Variants in TUSC3 observed in about 807,000 individuals in gnomAD.
TUSC3 encodes tumor suppressor candidate 3.
Under a neutral mutation model 44.8 loss-of-function variants are expected in TUSC3, and 45 were observed. That is an observed-to-expected ratio of 1.00 (90% CI 0.79 to 1.29). The LOEUF (loss-of-function observed/expected upper bound fraction) is 1.29, where lower values mean the gene tolerates loss of function less well. TUSC3 is among the 50% of genes most tolerant of loss of function. TUSC3 has a pLI of 0.00. For synonymous variants in TUSC3, 212 were observed against 152.9 expected (o/e 1.39, Z -2.85); for missense variants, 519 against 437.9 (o/e 1.19, Z -1.65).
chr8:15,788,546 C>CAAAAA, the TUSC3 span, among the ~76,000 whole-genome samples: 18 of 75,546 alleles, frequency 2.4e-4, 1 homozygote, highest in African/African-American at 8.5e-4. Flanking sequence ...GACTCTATCT[C>CAAAAA]AAAAAAAAAA....
At chr8:15,583,829 A>G (rs921890057) in intron 1 of TUSC3, among the ~76,000 whole-genome samples, 18 of 152,208 alleles carry the variant, frequency 1.2e-4, no homozygotes, top group Non-Finnish European at 2.1e-4. Flanking sequence ...ATATCCTAAA[A>G]CCAGAAAAAA....
intron 1 of TUSC3, among the ~76,000 whole-genome samples, chr8:15,438,179 C>G (rs141328883): frequency 2.0e-5 from 3 of 152,130 alleles, no homozygotes; most frequent in South Asian, 2.1e-4. Context: ...CCTGCAATCT[C>G]CGTCTCCTGG....
intron 1 of TUSC3, among the ~76,000 whole-genome samples, chr8:15,567,426 A>G (rs1485062739): frequency 1.3e-5 from 2 of 152,176 alleles, no homozygotes; most frequent in African/African-American, 2.4e-5. Context: ...ATCCATGGAA[A>G]CTTGCCCAGA....
intron 2 of TUSC3, among the ~76,000 whole-genome samples, chr8:15,633,963 A>C (rs994138760): frequency 1.3e-5 from 2 of 152,184 alleles, no homozygotes; most frequent in Admixed American, 6.5e-5. Context: ...ACACAAGTCA[A>C]ATATCCCTCT....
At chr8:15,785,092 C>T in the TUSC3 span, among the ~76,000 whole-genome samples, 1 of 151,974 alleles carries the variant, frequency 6.6e-6, no homozygotes, top group African/African-American at 2.4e-5. Context: ...TGTTAATCCA[C>T]TAAAGAATGA....
intron 1 of TUSC3, among the ~76,000 whole-genome samples, chr8:15,482,436 T>C (rs562869255): frequency 1.3e-5 from 2 of 152,338 alleles, no homozygotes; most frequent in Non-Finnish European, 2.9e-5. Flanking sequence ...TATAGCGTTA[T>C]GAATGATAGC....
chr8:15,751,819 T>G (rs945856191), intron 9 of TUSC3, among the ~76,000 whole-genome samples: 1 of 152,184 alleles, frequency 6.6e-6, no homozygotes, highest in Non-Finnish European at 1.5e-5. Flanking sequence ...TGGCTTCTTA[T>G]TCCTACACCA....
chr8:15,793,257 T>C, the TUSC3 span, among the ~76,000 whole-genome samples: 5 of 152,184 alleles, frequency 3.3e-5, no homozygotes, highest in African/African-American at 1.2e-4. Context: ...GAAACTCTGC[T>C]GCTTCTCACA....
intron 1 of TUSC3, among the ~76,000 whole-genome samples, chr8:15,590,111 G>T (rs1159949694): frequency 6.6e-6 from 1 of 152,156 alleles, no homozygotes; most frequent in Non-Finnish European, 1.5e-5. Flanking sequence ...AAATTGTATT[G>T]TAACAGAGGT....
At chr8:15,769,343 A>G (rs1344152925), downstream of TUSC3, among the ~76,000 whole-genome samples, 2 of 152,214 alleles carry the variant, frequency 1.3e-5, no homozygotes, top group African/African-American at 2.4e-5. Context: ...TTCCCTATTT[A>G]ATAAATGGTG....
intron 1 of TUSC3, among the ~76,000 whole-genome samples, chr8:15,592,056 T>C (rs956096316): frequency 2.0e-5 from 3 of 152,066 alleles, no homozygotes; most frequent in African/African-American, 7.2e-5. Flanking sequence ...TAGTGTAGAC[T>C]GGAAGAAGAG....
chr8:15,753,453 C>T (rs1811792047), intron 9 of TUSC3, among the ~76,000 whole-genome samples: 1 of 151,970 alleles, frequency 6.6e-6, no homozygotes, highest in Non-Finnish European at 1.5e-5. Context: ...ATAACTGTTC[C>T]CTTCATGACA....
At chr8:15,516,292 C>A (rs1268723609) in intron 2 of TUSC3, among the ~76,000 whole-genome samples, 1 of 152,062 alleles carries the variant, frequency 6.6e-6, no homozygotes, top group Non-Finnish European at 1.5e-5. Flanking sequence ...TGGTTTATTT[C>A]AAGTTTTTAA....
intron 6 of TUSC3, among the ~76,000 whole-genome samples, chr8:15,674,611 C>G (rs1040072263): frequency 1.3e-5 from 2 of 151,668 alleles, no homozygotes; most frequent in Non-Finnish European, 2.9e-5. Flanking sequence ...TTCTTTCTGT[C>G]CACCTGCTAA....
chr8:15,701,666 G>C (rs189093700), intron 6 of TUSC3, among the ~76,000 whole-genome samples: 1 of 152,224 alleles, frequency 6.6e-6, no homozygotes, highest in Admixed American at 6.6e-5. Context: ...CAGTGTTTCA[G>C]AAGGAAGAAG....
chr8:15,487,133 T>A (rs1275712775), intron 2 of TUSC3, among the ~76,000 whole-genome samples: 2 of 150,376 alleles, frequency 1.3e-5, no homozygotes, highest in Non-Finnish European at 3.0e-5. Context: ...AATATTTTCC[T>A]GTTTGTTTGT....
chr8:15,550,008 G>A (rs1327739124), intron 1 of TUSC3, among the ~76,000 whole-genome samples: 1 of 151,750 alleles, frequency 6.6e-6, no homozygotes, highest in Non-Finnish European at 1.5e-5. Context: ...ATCCATGTGA[G>A]AGGGTCATGA....
chr8:15,719,729 A>G (rs1055758494), intron 6 of TUSC3, among the ~76,000 whole-genome samples: 2 of 152,084 alleles, frequency 1.3e-5, no homozygotes, highest in African/African-American at 2.4e-5. Flanking sequence ...ACTTATTATA[A>G]CTACCTTAAT....
intron 1 of TUSC3, among the ~76,000 whole-genome samples, chr8:15,585,737 CTGTTCGACTGTCGGAA>C (rs1413927558): frequency 6.6e-6 from 1 of 152,086 alleles, no homozygotes; most frequent in African/African-American, 2.4e-5. Flanking sequence ...CCTTTTTTAC[CTGTTCGACTGTCGGAA>C]TGTCTTAGTC....
Sources: allele counts gnomAD v4.1 joint callset (sites outside exome capture counted in the v4.1 genomes callset), GRCh38; gene constraint gnomAD v4.1.1; transcripts MANE v1.5; gene names NCBI Gene and HGNC (gene_info 2026-07-23, HGNC 2026-07-21).